The following SSBP2 variants were observed in gnomAD, a reference collection of about 807,000 sequenced individuals.
SSBP2 encodes the protein single-stranded DNA-binding protein 2.
SSBP2 carries 17 observed loss-of-function variants against 61.8 expected under a neutral mutation model. The observed-to-expected ratio is 0.28, with a 90% CI of 0.19 to 0.41. The LOEUF (loss-of-function observed/expected upper bound fraction) is 0.41, where lower values mean the gene tolerates loss of function less well. SSBP2 is among the 10% of genes least tolerant of loss of function. SSBP2 has a pLI of 1.00. For missense variants in SSBP2, 310 were observed against 458.7 expected (o/e 0.68, Z 2.96); for synonymous variants, 139 against 141.3 (o/e 0.98, Z 0.12).
chr5:81,698,642 T>A (rs919921868), intron 1 of SSBP2, among the ~76,000 whole-genome samples: 3 of 152,102 alleles, frequency 2.0e-5, no homozygotes, highest in African/African-American at 7.2e-5. Context: ...TAAAACCCTG[T>A]CTCTACTAAA....
At chr5:81,460,294 C>T (rs1043938580) in intron 10 of SSBP2, among the ~76,000 whole-genome samples, 12 of 152,150 alleles carry the variant, frequency 7.9e-5, no homozygotes, top group Non-Finnish European at 4.4e-5. Flanking sequence ...TCTCTTGACC[C>T]GGGAACCTTT....
At chr5:81,682,913 A>G (rs1438281331) in intron 1 of SSBP2, among the ~76,000 whole-genome samples, 1 of 152,194 alleles carries the variant, frequency 6.6e-6, no homozygotes, top group Non-Finnish European at 1.5e-5. Context: ...TACCATTTAC[A>G]TTAGCACCCT....
At chr5:81,731,277 T>C (rs75297057) in intron 1 of SSBP2, among the ~76,000 whole-genome samples, 91 of 152,284 alleles carry the variant, frequency 6.0e-4, no homozygotes, top group African/African-American at 2.0e-3. Context: ...ACTAAGAAAT[T>C]ATACATCGGC....
upstream of SSBP2, chr5:81,751,354 C>G (rs976699098): frequency 1.1e-4 from 55 of 507,132 alleles, 1 homozygote; most frequent in South Asian, 6.5e-4. Flanking sequence ...TCCCCCTCCC[C>G]CCTCCGAACC....
chr5:81,513,197 G>T (rs1490494850), intron 5 of SSBP2, among the ~76,000 whole-genome samples: 1 of 151,898 alleles, frequency 6.6e-6, no homozygotes, highest in Non-Finnish European at 1.5e-5. Flanking sequence ...AACATATTTT[G>T]ATATAGCCTG....
intron 1 of SSBP2, among the ~76,000 whole-genome samples, chr5:81,709,042 G>A (rs1204518086): frequency 6.6e-6 from 1 of 151,970 alleles, no homozygotes; most frequent in Non-Finnish European, 1.5e-5. Flanking sequence ...CTACACAGGA[G>A]TATAAAAGTA....
At chr5:81,745,537 A>G (rs535256237) in intron 1 of SSBP2, among the ~76,000 whole-genome samples, 3 of 152,248 alleles carry the variant, frequency 2.0e-5, no homozygotes, top group East Asian at 1.9e-4. Context: ...AATAAAATTA[A>G]TATTTTAGCA....
intron 5 of SSBP2, among the ~76,000 whole-genome samples, chr5:81,503,708 T>G (rs1490171685): frequency 6.6e-6 from 1 of 152,104 alleles, no homozygotes; most frequent in Non-Finnish European, 1.5e-5. Context: ...CTATTCACAA[T>G]AGCAAAAACA....
At chr5:81,548,785 G>T (rs567669464) in intron 4 of SSBP2, among the ~76,000 whole-genome samples, 1 of 152,182 alleles carries the variant, frequency 6.6e-6, no homozygotes, top group South Asian at 2.1e-4. Context: ...AGCCAGGTGT[G>T]GTGGTGGGCA....
At chr5:81,686,220 T>C (rs751106767) in intron 1 of SSBP2, among the ~76,000 whole-genome samples, 10 of 152,210 alleles carry the variant, frequency 6.6e-5, no homozygotes, top group Non-Finnish European at 1.3e-4. Flanking sequence ...CATATTGAAA[T>C]ATGTATGCCT....
At chr5:81,674,857 G>GT (rs992698265) in intron 1 of SSBP2, among the ~76,000 whole-genome samples, 4 of 152,092 alleles carry the variant, frequency 2.6e-5, no homozygotes, top group Non-Finnish European at 5.9e-5. Flanking sequence ...ATATCAAAAC[G>GT]TAATTTATAG....
intron 4 of SSBP2, among the ~76,000 whole-genome samples, chr5:81,529,880 G>T (rs1770261870): frequency 6.6e-6 from 1 of 151,974 alleles, no homozygotes; most frequent in Non-Finnish European, 1.5e-5. Flanking sequence ...ATCTTTCCAA[G>T]ACATTAATCA....
At chr5:81,514,727 A>G (rs546130651) in intron 4 of SSBP2, among the ~76,000 whole-genome samples, 8 of 152,124 alleles carry the variant, frequency 5.3e-5, no homozygotes, top group African/African-American at 1.4e-4. Flanking sequence ...CCATTATAAG[A>G]TGTAAAATCT....
chr5:81,565,817 G>A (rs552036075), intron 4 of SSBP2, among the ~76,000 whole-genome samples: 74 of 152,218 alleles, frequency 4.9e-4, no homozygotes, highest in Non-Finnish European at 4.0e-4. Context: ...AACAAGTTTG[G>A]TCTACTGAGC....
At chr5:81,461,279 CA>C (rs888274881) in intron 9 of SSBP2, among the ~76,000 whole-genome samples, 176 bp from the exon 10 acceptor site, 1 of 151,812 alleles carries the variant, frequency 6.6e-6, no homozygotes, top group African/African-American at 2.4e-5. Context: ...TTAAGTCCCC[CA>C]AAAGAAAAGT....
At chr5:81,460,828 T>C (rs1764486040) in intron 10 of SSBP2, among the ~76,000 whole-genome samples, 1 of 152,082 alleles carries the variant, frequency 6.6e-6, no homozygotes, top group Admixed American at 6.6e-5. Context: ...GAAAGTCTTG[T>C]TGACAATAGA....
At chr5:81,593,597 T>C (rs1045600308) in intron 4 of SSBP2, among the ~76,000 whole-genome samples, 2 of 152,140 alleles carry the variant, frequency 1.3e-5, no homozygotes, top group African/African-American at 4.8e-5. Context: ...GAGAGAAAGG[T>C]TGGGTTACCC....
rs34736090 is a variant in SSBP2 at position 81,456,350 on chromosome 5, CT to C, written c.687+4704del. ...ATTTTCTTTAGTAAACTATTTCTGC[CT>C]TTTTTTTTTTTTTTCATGTGGCTTG... On this transcript the variant is annotated intron_variant, in intron 10 of 16. Coordinates refer to ENST00000320672, the MANE Select transcript of SSBP2 (RefSeq NM_012446.5). Among the ~76,000 whole-genome samples, 605 of 133,410 alleles carry C rather than the reference CT, an allele frequency of 4.5e-3. 2 individuals carry two copies. Among genetic ancestry groups the C allele is most frequent in the African/African-American group, 0.012 (423 of 36,120 alleles). The allele number at this position is 133,410 out of a possible 152,430, so 87.5% of individuals were successfully genotyped here.
chr5:81,415,533 A>AT lies in SSBP2; in HGVS notation c.*4970dup, dbSNP rs562479992. 3 of 151,902 alleles carry AT rather than the reference A, an allele frequency of 2.0e-5. No individual in the cohort carries two copies. The highest frequency in any genetic ancestry group is 4.4e-5 in the Non-Finnish European group (3 of 67,988). 9.4% of individuals were successfully genotyped at this position (151,902 alleles called of 1,614,324 possible). ...TATTGTTATAAAAATTTTTTCCAAT[A>AT]TTTTTTATCAGGAGTTGATTGAATC... On this transcript the variant is annotated 3_prime_UTR_variant, in exon 17 of 17. Transcript: ENST00000320672.
Sources: allele counts gnomAD v4.1 joint callset (sites outside exome capture counted in the v4.1 genomes callset), GRCh38; gene constraint gnomAD v4.1.1; transcripts MANE v1.5; gene names NCBI Gene and HGNC (gene_info 2026-07-23, HGNC 2026-07-21).